CYP7B1: variants seen among roughly 807,000 people sequenced by gnomAD.
The protein encoded by CYP7B1 is cytochrome P450 family 7 subfamily B member 1.
A neutral mutation model predicts 42.7 loss-of-function variants in CYP7B1; 29 were observed. The observed-to-expected ratio is 0.68, with a 90% confidence interval of 0.51 to 0.93. CYP7B1 has a LOEUF of 0.93. Among genes scored for constraint, CYP7B1 ranks in the 40% least tolerant of loss-of-function variants. The pLI, the probability that CYP7B1 is intolerant of heterozygous loss-of-function variation, is 0.00. For synonymous variants in CYP7B1, 235 were observed against 218.2 expected, an observed-to-expected ratio of 1.08 and a Z score of -0.68; for missense variants, 655 against 600.5, an observed-to-expected ratio of 1.09 and a Z score of -0.95.
At chr8:64,652,233 C>T (rs947026169) in intron 1 of CYP7B1, among the ~76,000 whole-genome samples, 23 of 152,160 alleles carry the variant, frequency 1.5e-4, no homozygotes, top group Non-Finnish European at 1.9e-4. Flanking sequence ...GCCATATCCA[C>T]GATACACCTG....
At chr8:64,614,739 T>A (rs1007916617) in intron 4 of CYP7B1, among the ~76,000 whole-genome samples, 1 of 152,196 alleles carries the variant, frequency 6.6e-6, no homozygotes, top group Non-Finnish European at 1.5e-5. Context: ...CATCAACAGA[T>A]GCTCAGAATC....
chr8:64,764,591 C>T (rs1051081729), intron 1 of CYP7B1, among the ~76,000 whole-genome samples: 1 of 152,016 alleles, frequency 6.6e-6, no homozygotes, highest in Admixed American at 6.6e-5. Flanking sequence ...AAGGGCATAC[C>T]CTGAAAACAC....
At chr8:64,666,233 T>C (rs1030834473) in intron 1 of CYP7B1, among the ~76,000 whole-genome samples, 3 of 152,226 alleles carry the variant, frequency 2.0e-5, no homozygotes, top group Non-Finnish European at 4.4e-5. Flanking sequence ...TGTTATGTTT[T>C]AGAGACAGAG....
Position 64,604,703 on chromosome 8 carries a change from A to G in CYP7B1, c.1212T>C (p.Pro404=). Residue 404 remains proline, a synonymous_variant, in exon 5 of 6, where the codon CCT becomes CCC. Transcript: ENST00000310193. ...AIFPPVLHGD[P]EIFEAPEEFR... ...TTACCTCTGGAGCTTCAAAGATTTC[A>G]GGGTCACCATGTAGGACTGGAGGAA... 3 of 1,614,180 alleles carry G rather than the reference A, an allele frequency of 1.9e-6. No homozygotes were observed. Among genetic ancestry groups the G allele is most frequent in the Non-Finnish European group, 2.5e-6 (3 of 1,180,032 alleles).
chr8:64,622,308 C>T (rs983698806), intron 2 of CYP7B1, among the ~76,000 whole-genome samples: 2 of 152,216 alleles, frequency 1.3e-5, no homozygotes, highest in African/African-American at 2.4e-5. Flanking sequence ...ATTACTGGCT[C>T]TCTAAGAATA....
chr8:64,735,263 A>C (rs1477837724), intron 1 of CYP7B1, among the ~76,000 whole-genome samples: 2 of 152,252 alleles, frequency 1.3e-5, no homozygotes, highest in Non-Finnish European at 2.9e-5. Flanking sequence ...TCGCTTTGGC[A>C]TAAGAATTAT....
intron 1 of CYP7B1, among the ~76,000 whole-genome samples, chr8:64,696,963 A>G (rs1232741035): frequency 6.6e-6 from 1 of 152,206 alleles, no homozygotes; most frequent in African/African-American, 2.4e-5. Context: ...AAATGATGAC[A>G]AAGCAGTAAA....
intron 1 of CYP7B1, among the ~76,000 whole-genome samples, chr8:64,719,363 T>C (rs1807204308): frequency 6.6e-6 from 1 of 152,170 alleles, no homozygotes; most frequent in African/African-American, 2.4e-5. Context: ...AGTGCAGCGA[T>C]TCATGTATTA....
intron 1 of CYP7B1, among the ~76,000 whole-genome samples, chr8:64,767,707 T>G (rs1001006445): frequency 4.6e-5 from 7 of 152,252 alleles, no homozygotes; most frequent in Admixed American, 4.6e-4. Flanking sequence ...GCCAAAGAAA[T>G]AATCCCCTGC....
chr8:64,736,460 TA>T (rs1042317962), intron 1 of CYP7B1, among the ~76,000 whole-genome samples: 44 of 152,196 alleles, frequency 2.9e-4, no homozygotes, highest in African/African-American at 1.0e-3. Context: ...TTATTTATTT[TA>T]TTTTTTTGAG....
intron 1 of CYP7B1, among the ~76,000 whole-genome samples, chr8:64,754,958 G>A (rs913023806): frequency 7.9e-5 from 12 of 152,174 alleles, no homozygotes; most frequent in African/African-American, 2.7e-4. Flanking sequence ...CAGAGGTGAA[G>A]TTTTCAAGGA....
intron 1 of CYP7B1, among the ~76,000 whole-genome samples, chr8:64,775,041 C>T (rs1177995347): frequency 1.3e-5 from 2 of 152,138 alleles, no homozygotes; most frequent in East Asian, 3.8e-4. Flanking sequence ...ACAAGAGTTT[C>T]ATCCAAATTG....
chr8:64,759,297 G>A (rs1448671234), intron 1 of CYP7B1, among the ~76,000 whole-genome samples: 1 of 151,470 alleles, frequency 6.6e-6, no homozygotes, highest in Non-Finnish European at 1.5e-5. Context: ...GCTAATTTCT[G>A]AGTTAATAAA....
At chr8:64,775,958 G>C (rs949770536) in intron 1 of CYP7B1, among the ~76,000 whole-genome samples, 3 of 152,148 alleles carry the variant, frequency 2.0e-5, no homozygotes, top group Non-Finnish European at 4.4e-5. Flanking sequence ...CTGAGCCTTA[G>C]AGAAAGTTAG....
intron 5 of CYP7B1, among the ~76,000 whole-genome samples, chr8:64,597,411 G>A (rs572939429): frequency 2.6e-5 from 4 of 152,284 alleles, no homozygotes; most frequent in Admixed American, 2.6e-4. Context: ...ACTGATAGAT[G>A]AGAACTATGA....
At chr8:64,674,777 C>A (rs955481579) in intron 1 of CYP7B1, among the ~76,000 whole-genome samples, 1 of 152,042 alleles carries the variant, frequency 6.6e-6, no homozygotes, top group Admixed American at 6.6e-5. Context: ...AAAAATAAAA[C>A]AATACCTTTG....
intron 1 of CYP7B1, among the ~76,000 whole-genome samples, chr8:64,648,381 G>T (rs1330220216): frequency 6.6e-6 from 1 of 152,160 alleles, no homozygotes; most frequent in Non-Finnish European, 1.5e-5. Context: ...TTGTTAAAGA[G>T]AAATACAACG....
chr8:64,730,208 C>T (rs1807387630), intron 1 of CYP7B1, among the ~76,000 whole-genome samples: 1 of 152,056 alleles, frequency 6.6e-6, no homozygotes, highest in Non-Finnish European at 1.5e-5. Flanking sequence ...ACTACAGGCA[C>T]ATGCCACCAT....
intron 1 of CYP7B1, among the ~76,000 whole-genome samples, chr8:64,690,558 T>C (rs1243253020): frequency 6.6e-6 from 1 of 152,230 alleles, no homozygotes; most frequent in African/African-American, 2.4e-5. Context: ...ATGGACCTGC[T>C]AAGAAAATGC....
Sources: gnomAD v4.1 joint callset for allele counts (sites outside exome capture counted in the v4.1 genomes callset) on GRCh38, gnomAD v4.1.1 for gene constraint, MANE v1.5 for transcripts, NCBI Gene and HGNC (gene_info 2026-07-23, HGNC 2026-07-21) for gene names.